Variants in ADGRB1 observed in about 807,000 individuals in gnomAD.
ADGRB1 encodes brain-specific angiogenesis inhibitor 1.
Under a neutral mutation model 175.7 loss-of-function variants are expected in ADGRB1, and 36 were observed. That is an observed-to-expected ratio of 0.20 (90% confidence interval 0.16 to 0.27). The LOEUF is 0.27. ADGRB1 is among the 10% of genes least tolerant of loss of function. The probability of loss-of-function intolerance (pLI) is 1.00; values close to 1 mark genes in which losing one functional copy is unlikely to be tolerated. For synonymous variants in ADGRB1, 1,054 were observed against 979.4 expected (o/e 1.08, Z -1.42); for missense variants, 1,731 against 2,255.3 (o/e 0.77, Z 4.71).
chr8:142,500,972 T>C (rs1237245228), intron 17 of ADGRB1, among the ~76,000 whole-genome samples: 1 of 152,008 alleles, frequency 6.6e-6, no homozygotes, highest in Non-Finnish European at 1.5e-5. Flanking sequence ...CCGTCCCTCC[T>C]GCCAGCCTGG....
Position 142,481,764 on chromosome 8 carries a change from A to G in ADGRB1, c.2130+53A>G, listed in dbSNP as rs868231043. 2.2e-5 allele frequency: 32 copies of G among 1,437,440 alleles called. 1 individual carries two copies. Among genetic ancestry groups the G allele is most frequent in the South Asian group, 2.1e-4 (15 of 69,954 alleles). The allele number at this position is 1,437,440 out of a possible 1,614,324, so 89.0% of individuals were successfully genotyped here. A position where few individuals can be genotyped will look rare whatever the true frequency, so the allele number is the denominator to read the frequency against. On this transcript the variant is annotated intron_variant, in intron 11 of 30. Coordinates refer to ENST00000517894, the MANE Select transcript of ADGRB1 (RefSeq NM_001702.3). Reference sequence around the variant, plus strand: ...GAGGGTGTCGGGAAGGTGTCTGGGGAGCCCTCCTCGACCTTAGAGATGGAT... The same window carrying G: ...GAGGGTGTCGGGAAGGTGTCTGGGGGGCCCTCCTCGACCTTAGAGATGGAT...
rs143250624 is a variant in ADGRB1 at position 142,488,023 on chromosome 8, G to A, written c.2309-341G>A. ...CCTGGTGCCTGCGGATCCCTCCATGGCCACAGGACAGACCCCAGAATCTGC... is the reference window on the plus strand; with the variant it reads ...CCTGGTGCCTGCGGATCCCTCCATGACCACAGGACAGACCCCAGAATCTGC... On this transcript the variant is annotated intron_variant, in intron 13 of 30. Transcript: ENST00000517894. Among the ~76,000 whole-genome samples the A allele has an allele frequency of 3.9e-4, 59 of 152,282 alleles. 1 individual carries two copies. Among genetic ancestry groups the A allele is most frequent in the Non-Finnish European group, 6.2e-4 (42 of 68,014 alleles).
At chr8:142,529,715 T>A (rs535302510) in intron 24 of ADGRB1, among the ~76,000 whole-genome samples, 1 of 149,736 alleles carries the variant, frequency 6.7e-6, no homozygotes, top group African/African-American at 2.5e-5. Context: ...AGCGTGCATC[T>A]ATGTGTGTGA....
chr8:142,524,006 C>A (rs1364399938), intron 22 of ADGRB1, among the ~76,000 whole-genome samples: 1 of 152,138 alleles, frequency 6.6e-6, no homozygotes. Flanking sequence ...TGGGTCCCCC[C>A]CTCTGGTACT....
rs1171706029 is a variant in ADGRB1 at position 142,474,279 on chromosome 8, G to A, written c.785-1195G>A. On this transcript the variant is annotated intron_variant, in intron 2 of 30. Coordinates refer to ENST00000517894, the MANE Select transcript of ADGRB1 (RefSeq NM_001702.3). The surrounding 1 kb of genome is among the most constrained non-coding windows in gnomAD (Gnocchi z 5.8). ...CCTGGGGCCTCCCCTGCTGTACCTGGGATCGAGCTGCCGGATCCCCAGTGT... is the reference window on the plus strand; with the variant it reads ...CCTGGGGCCTCCCCTGCTGTACCTGAGATCGAGCTGCCGGATCCCCAGTGT... 6.6e-6 allele frequency among the ~76,000 whole-genome samples: 1 copy of A among 152,136 alleles called. No homozygotes were observed. Among genetic ancestry groups the A allele is most frequent in the East Asian group, 1.9e-4 (1 of 5,196 alleles).
At position 142,475,470 on chromosome 8, in the gene ADGRB1, C is replaced by A; in HGVS notation, c.785-4C>A. 1 of 1,292,562 alleles carries A rather than the reference C, an allele frequency of 7.7e-7. No homozygotes were observed. The highest frequency in any genetic ancestry group is 2.8e-5 in the East Asian group (1 of 35,426). The allele number at this position is 1,292,562 out of a possible 1,614,324, so 80.1% of individuals were successfully genotyped here. A position where few individuals can be genotyped will look rare whatever the true frequency, so the allele number is the denominator to read the frequency against. The stretch of plus-strand genomic sequence containing the variant: ...CTGATCCCCGCCCTCTGGTTTCCCC[C>A]CAGGCGGCTGGAAGCTGTGGTCCCT... On this transcript the variant is annotated splice_region_variant and splice_polypyrimidine_tract_variant and intron_variant, in intron 2 of 30. Transcript: ENST00000517894.
At chr8:142,501,028 CTTG>C (rs1404268813) in intron 17 of ADGRB1, among the ~76,000 whole-genome samples, 2 of 152,142 alleles carry the variant, frequency 1.3e-5, no homozygotes, top group Non-Finnish European at 2.9e-5. Context: ...GGGATAAACA[CTTG>C]TTGTCGAATG....
At chr8:142,515,251 G>A (rs767113007) in intron 18 of ADGRB1, among the ~76,000 whole-genome samples, 2 of 152,206 alleles carry the variant, frequency 1.3e-5, no homozygotes, top group Non-Finnish European at 2.9e-5. Context: ...TGCCTGGCTT[G>A]AGCCAGTCTC....
rs559003070 is a variant in ADGRB1, at chr8:142,463,876, G to C, written c.-219-104G>C. 15 of 248,884 alleles carry C rather than the reference G, an allele frequency of 6.0e-5. No individual in the cohort carries two copies. In the South Asian group the frequency reaches 2.4e-3, roughly 41 times the overall value. 15.4% of individuals were successfully genotyped at this position (248,884 alleles called of 1,614,324 possible). On this transcript the variant is annotated intron_variant, in intron 1 of 30. Transcript: ENST00000517894. ...TGCGGCCCAAAGTCCTCCTGCCCTC[G>C]TTGGTAGCAGGCTAAGCTGCCTCCT...
intron 1 of ADGRB1, among the ~76,000 whole-genome samples, chr8:142,453,042 C>T (rs1265679537): frequency 3.5e-5 from 5 of 142,284 alleles, no homozygotes; most frequent in Admixed American, 2.8e-4. Flanking sequence ...GCCCGCCCGC[C>T]CGCTCGCTCG....
chr8:142,499,460 C>CGCGTGCTGGGAT (rs145343448), intron 17 of ADGRB1, among the ~76,000 whole-genome samples: 3,179 of 152,312 alleles, frequency 0.021, 120 homozygotes, highest in African/African-American at 0.072. Flanking sequence ...TACGGCCACC[C>CGCGTGCTGGGAT]GCGTGCTGGG....
chr8:142,484,580 A>G (rs1841560554), intron 12 of ADGRB1, 76 bp from the exon 13 acceptor site: 1 of 1,383,024 alleles, frequency 7.2e-7, no homozygotes, highest in East Asian at 2.5e-5. Flanking sequence ...AAAAGGAGGG[A>G]CAGGGAAGGG....
In ADGRB1 at chr8:142,543,438, G is replaced by C. The variant is rs773636954; in HGVS notation, c.4449G>C (p.Glu1483Asp). 1 of 1,613,748 alleles carries C rather than the reference G, an allele frequency of 6.2e-7. No homozygotes were observed. Among genetic ancestry groups the C allele is most frequent in the Non-Finnish European group, 8.5e-7 (1 of 1,179,792 alleles). Residue 1483 changes from glutamate (E) to aspartate (D), a missense_variant and splice_region_variant, in exon 29 of 31, where the codon GAG (glutamate) becomes GAC (aspartate). Transcript: ENST00000517894. The surrounding 1 kb of genome is among the most constrained non-coding windows in gnomAD (Gnocchi z 4.4). ...CGCGGTATGCAGAACTGGACTTTGA[G>C]GTGAGTTCTGGTGTCCCCCCCCACC... ...RKSRYAELDF[E>D]KIMHTRKRHQ... is the part of the protein sequence containing the mutation.
At chr8:142,491,334 G>A (rs575972552) in intron 17 of ADGRB1, among the ~76,000 whole-genome samples, 6 of 152,328 alleles carry the variant, frequency 3.9e-5, no homozygotes, top group Middle Eastern at 3.4e-3. Flanking sequence ...TGGCCCAGGC[G>A]CTGTGGCACA....
In ADGRB1 at chr8:142,455,150, C is replaced by A. The variant is rs376379604; in HGVS notation, c.-220+5046C>A. On this transcript the variant is annotated intron_variant, in intron 1 of 30. Coordinates refer to ENST00000517894, the MANE Select transcript of ADGRB1 (RefSeq NM_001702.3). The surrounding 1 kb of genome is among the most constrained non-coding windows in gnomAD (Gnocchi z 4.9). ...CCATTGCCCCCGAGGCTACCTCAGC[C>A]GCACCCTGCCGCCGGCACCACACTG... Among the ~76,000 whole-genome samples, 4 of 150,038 alleles carry A rather than the reference C, an allele frequency of 2.7e-5. No individual in the cohort carries two copies. The highest frequency in any genetic ancestry group is 9.9e-5 in the African/African-American group (4 of 40,534).
At position 142,474,319 on chromosome 8, in the gene ADGRB1, G is replaced by A. The variant is rs894092315; in HGVS notation, c.785-1155G>A. ...ATCCCCAGTGTTCCCCAGTGGCAGC[G>A]GCCCCAGCTCCATGGTGGGTCCCCT... On this transcript the variant is annotated intron_variant, in intron 2 of 30. Coordinates refer to ENST00000517894, the MANE Select transcript of ADGRB1 (RefSeq NM_001702.3). This position sits in a 1 kb window ranked among gnomAD's most constrained non-coding sequence, Gnocchi z 5.8. Among the ~76,000 whole-genome samples, 1 of 152,110 alleles carries A rather than the reference G, an allele frequency of 6.6e-6. No homozygotes were observed. Among genetic ancestry groups the A allele is most frequent in the Non-Finnish European group, 1.5e-5 (1 of 68,000 alleles).
intron 1 of ADGRB1, among the ~76,000 whole-genome samples, chr8:142,450,637 A>C (rs1018626783): frequency 9.9e-5 from 15 of 151,896 alleles, no homozygotes; most frequent in African/African-American, 3.6e-4. Flanking sequence ...AGGGCCCGAG[A>C]CGTCCTCCCC....
chr8:142,522,742 G>A (rs1843925826), intron 22 of ADGRB1, 32 bp downstream of exon 22: 3 of 1,463,788 alleles, frequency 2.0e-6, no homozygotes, highest in Non-Finnish European at 2.7e-6. Context: ...GTGGTGGATG[G>A]CCACATGGCC....
chr8:142,463,864 C>T (rs1298635597), intron 1 of ADGRB1, 116 bp from the exon 2 acceptor site: 3 of 231,454 alleles, frequency 1.3e-5, no homozygotes, highest in Admixed American at 5.8e-5. Flanking sequence ...GGCCCAAAGT[C>T]CTCCTGCCCT....
Sources: gnomAD v4.1 joint callset for allele counts (sites outside exome capture counted in the v4.1 genomes callset) on GRCh38, gnomAD v4.1.1 for gene constraint, Gnocchi (gnomAD v3.1) non-coding constraint, MANE v1.5 for transcripts, NCBI Gene and HGNC (gene_info 2026-07-23, HGNC 2026-07-21) for gene names.